Variants in WASF3 observed in about 807,000 individuals in gnomAD.
WASF3 encodes the protein actin-binding protein WASF3.
Under a neutral mutation model 46.6 loss-of-function variants are expected in WASF3, and 11 were observed. The observed-to-expected ratio is 0.24, with a 90% CI of 0.15 to 0.39. The LOEUF (loss-of-function observed/expected upper bound fraction) is 0.39. Ranked by LOEUF, WASF3 falls within the 10% of genes least tolerant of loss-of-function variation. The pLI, the probability that WASF3 is intolerant of heterozygous loss-of-function variation, is 1.00. For missense variants in WASF3, 576 were observed against 669.8 expected (o/e 0.86, Z 1.55); for synonymous variants, 242 against 259.7 (o/e 0.93, Z 0.65).
At chr13:26,560,038 G>A (rs1438478010) in intron 1 of WASF3, among the ~76,000 whole-genome samples, 1 of 151,754 alleles carries the variant, frequency 6.6e-6, no homozygotes, top group Non-Finnish European at 1.5e-5. Context: ...GATTGGTCTC[G>A]AACTCCTGAC....
intron 1 of WASF3, among the ~76,000 whole-genome samples, chr13:26,611,329 A>G (rs73166099): frequency 0.024 from 3,680 of 152,306 alleles, 84 homozygotes; most frequent in African/African-American, 0.054. Flanking sequence ...TGTTAGCTCT[A>G]TGCTTAGACC....
chr13:26,628,645 T>C (rs73496309), intron 2 of WASF3, among the ~76,000 whole-genome samples: 3,114 of 152,290 alleles, frequency 0.02, 118 homozygotes, highest in African/African-American at 0.07. Context: ...GATTCCTCTT[T>C]TCATTTTCTA....
chr13:26,660,866 C>G (rs1566066576), intron 3 of WASF3, among the ~76,000 whole-genome samples: 1 of 152,124 alleles, frequency 6.6e-6, no homozygotes, highest in Non-Finnish European at 1.5e-5. Flanking sequence ...AGAAGCATAG[C>G]ACGAGCATCT....
chr13:26,573,058 A>G (rs1217441446), intron 1 of WASF3, among the ~76,000 whole-genome samples: 2 of 152,196 alleles, frequency 1.3e-5, no homozygotes, highest in African/African-American at 2.4e-5. Flanking sequence ...TATTGGGATT[A>G]TCTGGTTTGT....
chr13:26,593,257 G>A (rs547746579), intron 1 of WASF3, among the ~76,000 whole-genome samples: 12 of 152,258 alleles, frequency 7.9e-5, no homozygotes, highest in African/African-American at 2.9e-4. Context: ...GGTCCAAACC[G>A]ACTTGGCCGA....
intron 1 of WASF3, among the ~76,000 whole-genome samples, chr13:26,575,101 G>A (rs1029852570): frequency 8.5e-5 from 13 of 152,108 alleles, no homozygotes; most frequent in African/African-American, 2.2e-4. Context: ...CTCCCACAGC[G>A]CTGGGATTAC....
At chr13:26,600,060 A>G (rs1054914496) in intron 1 of WASF3, among the ~76,000 whole-genome samples, 4 of 152,226 alleles carry the variant, frequency 2.6e-5, no homozygotes, top group Admixed American at 6.5e-5. Flanking sequence ...CGAAGATTAA[A>G]TGATGCAGAA....
chr13:26,681,013 A>G, intron 7 of WASF3, 41 bp from the exon 8 acceptor site: 1 of 1,568,070 alleles, frequency 6.4e-7, no homozygotes, highest in East Asian at 2.3e-5. Context: ...CAATTTTTAA[A>G]TTAATTTAAA....
chr13:26,585,735 A>G (rs191863721), intron 1 of WASF3, among the ~76,000 whole-genome samples: 3 of 152,132 alleles, frequency 2.0e-5, no homozygotes, highest in East Asian at 3.9e-4. Flanking sequence ...GAAAAACCAT[A>G]TAATGGTCTT....
the WASF3 span, among the ~76,000 whole-genome samples, chr13:26,552,312 TTTG>T: frequency 5.9e-3 from 891 of 152,298 alleles, 5 homozygotes; most frequent in Middle Eastern, 0.014. Context: ...TCAACAAATG[TTTG>T]TTATTTTTAC....
intron 2 of WASF3, among the ~76,000 whole-genome samples, chr13:26,632,199 G>A (rs1035787206): frequency 2.6e-5 from 4 of 152,028 alleles, no homozygotes; most frequent in Admixed American, 2.0e-4. Context: ...CCAGAACTTC[G>A]AATACTATGT....
At chr13:26,662,813 T>C (rs1176821259) in intron 3 of WASF3, among the ~76,000 whole-genome samples, 1 of 152,214 alleles carries the variant, frequency 6.6e-6, no homozygotes, top group Non-Finnish European at 1.5e-5. Flanking sequence ...TGAAATTATT[T>C]TTTAAAAAAC....
chr13:26,645,676 A>T (rs147591195), intron 3 of WASF3, among the ~76,000 whole-genome samples: 41 of 152,308 alleles, frequency 2.7e-4, no homozygotes, highest in African/African-American at 9.4e-4. Flanking sequence ...AAAATAAATA[A>T]AAATATAAAT....
intron 1 of WASF3, among the ~76,000 whole-genome samples, chr13:26,600,168 G>T (rs748718216): frequency 2.6e-5 from 4 of 152,218 alleles, no homozygotes; most frequent in Admixed American, 1.3e-4. Flanking sequence ...GCAGTAAGGT[G>T]AGTGGGATGG....
rs117824562 is a variant in WASF3, at chr13:26,672,554, A to T, written c.540+565A>T. 6.5e-3 allele frequency among the ~76,000 whole-genome samples: 987 copies of T among 152,368 alleles called. 10 individuals are homozygous for T. Among genetic ancestry groups the T allele is most frequent in the Admixed American group, 8.3e-3 (127 of 15,304 alleles). On this transcript the variant is annotated intron_variant, in intron 6 of 9. Transcript: ENST00000335327. ...CATTACAAGCAGTCTTCAAAGGAGA[A>T]GCCCACTCTACTCAGGTTAAGGGAT... is the stretch of plus-strand genomic sequence containing the variant.
At chr13:26,635,317 G>A (rs937431983) in intron 2 of WASF3, among the ~76,000 whole-genome samples, 1 of 152,114 alleles carries the variant, frequency 6.6e-6, no homozygotes, top group Non-Finnish European at 1.5e-5. Flanking sequence ...AAGTTCTTGT[G>A]CCATGGTTTT....
At chr13:26,675,481 T>TACACACACACACACACAC (rs56162218) in intron 6 of WASF3, among the ~76,000 whole-genome samples, 1 of 145,664 alleles carries the variant, frequency 6.9e-6, no homozygotes, top group African/African-American at 2.6e-5. Flanking sequence ...TAGACACACA[T>TACACACACACACACACAC]ACACACACAC....
chr13:26,629,922 G>A (rs1435693890), intron 2 of WASF3, among the ~76,000 whole-genome samples: 2 of 152,040 alleles, frequency 1.3e-5, no homozygotes, highest in Non-Finnish European at 2.9e-5. Context: ...CTAGGGCCTT[G>A]CCTTTGATTC....
At chr13:26,559,978 C>T (rs1165623137) in intron 1 of WASF3, among the ~76,000 whole-genome samples, 3 of 151,416 alleles carry the variant, frequency 2.0e-5, no homozygotes, top group East Asian at 1.9e-4. Context: ...CCACCATGCC[C>T]GGCTAATTTT....
Sources: allele counts gnomAD v4.1 joint callset (sites outside exome capture counted in the v4.1 genomes callset), GRCh38; gene constraint gnomAD v4.1.1; transcripts MANE v1.5; gene names NCBI Gene and HGNC (gene_info 2026-07-23, HGNC 2026-07-21).